NF1: variants seen among roughly 807,000 people sequenced by gnomAD.
NF1 encodes neurofibromin 1, also known as neurofibromin.
A neutral mutation model predicts 325.7 loss-of-function variants in NF1; 122 were observed. That is an observed-to-expected ratio of 0.37 (90% CI 0.32 to 0.44). The LOEUF (loss-of-function observed/expected upper bound fraction) is 0.44, where lower values mean the gene tolerates loss of function less well. Among genes scored for constraint, NF1 ranks in the 20% least tolerant of loss-of-function variants. The pLI is 1.00. For synonymous variants in NF1, 1,091 were observed against 1,186.0 expected (o/e 0.92, Z 1.65); for missense variants, 2,140 against 3,415.4 (o/e 0.63, Z 9.31).
chr17:31,306,697 G>A (rs1174226903), intron 36 of NF1, among the ~76,000 whole-genome samples: 1 of 151,908 alleles, frequency 6.6e-6, no homozygotes, highest in Non-Finnish European at 1.5e-5. Context: ...ATCTGGTGGA[G>A]TAAATTCAAT....
At chr17:31,373,767 C>T (rs1248347946) in intron 57 of NF1, among the ~76,000 whole-genome samples, 1 of 152,112 alleles carries the variant, frequency 6.6e-6, no homozygotes, top group African/African-American at 2.4e-5. Flanking sequence ...ACATAAAGTA[C>T]ACAATATGGT....
chr17:31,154,732 C>CTTTT lies in NF1; in HGVS notation c.61-1232_61-1229dup, dbSNP rs71142026. Among the ~76,000 whole-genome samples, 92 of 103,390 alleles carry CTTTT rather than the reference C, an allele frequency of 8.9e-4. 1 individual carries two copies. Among genetic ancestry groups the CTTTT allele is most frequent in the African/African-American group, 2.4e-3 (65 of 26,782 alleles). The allele number at this position is 103,390 out of a possible 152,430, so 67.8% of individuals were successfully genotyped here. A position where few individuals can be genotyped will look rare whatever the true frequency, so the allele number is the denominator to read the frequency against. On this transcript the variant is annotated intron_variant, in intron 1 of 57. Coordinates refer to ENST00000358273, the MANE Select transcript of NF1 (RefSeq NM_001042492.3). ...CCCCGCCAATTTCATTTAGTATTTC[C>CTTTT]TTTTTTTTTTTTTTTTTTTTTTATT...
At chr17:31,282,128 A>G (rs2068130894) in intron 36 of NF1, among the ~76,000 whole-genome samples, 1 of 152,060 alleles carries the variant, frequency 6.6e-6, no homozygotes, top group Admixed American at 6.6e-5. Flanking sequence ...CACGCCTGTA[A>G]TCCCAGCACT....
chr17:31,221,818 CTCTT>C lies in NF1; in HGVS notation c.1642-30_1642-27del, dbSNP rs1319863337. On this transcript the variant is annotated intron_variant, in intron 14 of 57. Transcript: ENST00000358273. Reference sequence around the variant, plus strand: ...TACCAAAAATGTTTGAGTGAGTCTTCTCTTTGTCTTTCTCTTTTTTAAAAAATTC... The same window carrying C: ...TACCAAAAATGTTTGAGTGAGTCTTCTGTCTTTCTCTTTTTTAAAAAATTC... The C allele has an allele frequency of 6.0e-6, 9 of 1,501,196 alleles. No homozygotes were observed. In the African/African-American group the frequency reaches 6.9e-5, roughly 11 times the overall value. The allele number at this position is 1,501,196 out of a possible 1,614,324, so 93.0% of individuals were successfully genotyped here.
At position 31,358,574 on chromosome 17, in the gene NF1, G is replaced by A. The variant is rs761214867; in HGVS notation, c.8065G>A (p.Val2689Met). 3 of 1,613,934 alleles carry A rather than the reference G, an allele frequency of 1.9e-6. No homozygotes were observed. The highest frequency in any genetic ancestry group is 1.1e-5 in the South Asian group (1 of 91,082). Residue 2689 changes from valine to methionine, a missense_variant, in exon 55 of 58, where the codon GTG becomes ATG. This residue lies in a region of NF1 where 522 missense variants were observed against 749.0 expected (regional missense o/e 0.70). Coordinates refer to ENST00000358273, the MANE Select transcript of NF1 (RefSeq NM_001042492.3). ...NPIHGIVQSVVYHEESPPQYQ... is the reference protein window; with the variant it reads ...NPIHGIVQSVMYHEESPPQYQ... ...AATCCATGGAATTGTGCAGAGTGTG[G>A]TGTACCATGAAGAATCCCCACCACA...
Position 31,330,462 on chromosome 17 carries a change from T to G in NF1, c.5776T>G (p.Phe1926Val), listed in dbSNP as rs1255264164. The change falls in exon 39 of 58, where the codon TTT (phenylalanine) becomes GTT (valine). Residue 1926 changes from phenylalanine (F) to valine (V), a missense_variant. Physicochemically the swap from Phe to Val is conservative, Grantham distance 50. Coordinates refer to ENST00000358273, the MANE Select transcript of NF1 (RefSeq NM_001042492.3). ...CAATGAGCCACACCTCACGTTAGAA[T>G]TTTTGGAAGAGTGTATTTCTGGATT... ...AANEPHLTLEFLEECISGFSK... is the reference protein window; with the variant it reads ...AANEPHLTLEVLEECISGFSK... 1 of 1,613,698 alleles carries G rather than the reference T, an allele frequency of 6.2e-7. No homozygotes were observed. The highest frequency in any genetic ancestry group is 8.5e-7 in the Non-Finnish European group (1 of 1,179,662).
rs1567864060 is a variant in NF1, at chr17:31,263,062, GGT to G, written c.4724+1206_4724+1207del. On this transcript the variant is annotated intron_variant, in intron 35 of 57. Transcript: ENST00000358273. ...AGGTAGGTAGGTAGGTAGGTAGGTA[GGT>G]AGGTAGATAGATAGGTAGGTAGGTA... is the stretch of plus-strand genomic sequence containing the variant. Among the ~76,000 whole-genome samples the G allele has an allele frequency of 8.6e-4, 128 of 148,440 alleles. 1 individual carries two copies. The highest frequency in any genetic ancestry group is 2.8e-3 in the African/African-American group (110 of 39,450).
chr17:31,183,355 C>T (rs1202973012), intron 8 of NF1: 1 of 151,868 alleles, frequency 6.6e-6, no homozygotes, highest in African/African-American at 2.4e-5. Flanking sequence ...GAGATGGTTT[C>T]CTTCATGGTT....
intron 1 of NF1, among the ~76,000 whole-genome samples, chr17:31,122,771 A>G (rs1914545491): frequency 6.6e-6 from 1 of 152,208 alleles, no homozygotes; most frequent in Non-Finnish European, 1.5e-5. Flanking sequence ...ATATAATGGA[A>G]TCATTTTGGT....
At chr17:31,340,399 T>C in intron 46 of NF1, 106 bp from the exon 47 acceptor site, 1 of 1,408,236 alleles carries the variant, frequency 7.1e-7, no homozygotes, top group Non-Finnish European at 1.0e-6. Context: ...AGAGAAAACA[T>C]GGGTAATTTA....
intron 36 of NF1, chr17:31,305,589 G>A: frequency 6.2e-7 from 1 of 1,612,918 alleles, no homozygotes; most frequent in Non-Finnish European, 8.5e-7. Flanking sequence ...ACAAAATTAA[G>A]ATGAAATATT....
intron 36 of NF1, among the ~76,000 whole-genome samples, chr17:31,312,445 A>G (rs1012979133): frequency 6.7e-6 from 1 of 149,510 alleles, no homozygotes; most frequent in African/African-American, 2.5e-5. Context: ...TGGGAGGCGG[A>G]GGTTGCAGTG....
Position 31,232,116 on chromosome 17 carries a change from G to A in NF1, c.3241G>A (p.Ala1081Thr), listed in dbSNP as rs1555614834. The change falls in exon 25 of 58, where the codon GCT (alanine) becomes ACT (threonine). Residue 1081 changes from alanine to threonine, a missense_variant. By Grantham distance (58) the Ala-to-Thr change is moderately conservative. Around this residue, in one of 10 missense-constraint regions of NF1, gnomAD observed 380 missense variants for 639.3 expected, o/e 0.59. Coordinates refer to ENST00000358273, the MANE Select transcript of NF1 (RefSeq NM_001042492.3). ...ASMEAVVSLL[A>T]GLPLQPEEGD... ...CATGGAAGCAGTAGTTTCACTTCTA[G>A]CTGGTCTCCCTCTGCAGCCTGAAGA... 1 of 1,579,804 alleles carries A rather than the reference G, an allele frequency of 6.3e-7. No homozygotes were observed. The highest frequency in any genetic ancestry group is 8.6e-7 in the Non-Finnish European group (1 of 1,166,656).
chr17:31,146,817 A>G (rs1432494082), intron 1 of NF1, among the ~76,000 whole-genome samples: 1 of 152,148 alleles, frequency 6.6e-6, no homozygotes, highest in African/African-American at 2.4e-5. Flanking sequence ...CCAGGCCTTC[A>G]TATTGCCATA....
intron 1 of NF1, among the ~76,000 whole-genome samples, chr17:31,128,803 T>A (rs570968640): frequency 6.6e-6 from 1 of 152,022 alleles, no homozygotes; most frequent in Non-Finnish European, 1.5e-5. Context: ...GCGCCTGTAG[T>A]CCCAGCTACT....
chr17:31,295,839 T>C (rs1193978365), intron 36 of NF1: 1 of 1,614,070 alleles, frequency 6.2e-7, no homozygotes, highest in Admixed American at 1.7e-5. Context: ...TTGGAGGGCA[T>C]GTTGGTTGGA....
intron 48 of NF1, among the ~76,000 whole-genome samples, chr17:31,348,687 A>C (rs931873846): frequency 9.9e-5 from 15 of 150,766 alleles, no homozygotes; most frequent in African/African-American, 3.4e-4. Flanking sequence ...AATCTTGAAA[A>C]TGTTTTGACA....
chr17:31,363,610 G>A (rs1284315593), intron 57 of NF1, among the ~76,000 whole-genome samples: 3 of 149,762 alleles, frequency 2.0e-5, no homozygotes, highest in Non-Finnish European at 3.0e-5. Context: ...CTAATTTTTT[G>A]TATTTTTAGT....
rs111696210 is a variant in NF1 at position 31,287,577 on chromosome 17, T to A, written c.4835+22238T>A. ...GTGTGTGTGTGTGTGTGTGTGTGTGTGACACAGGGTGTGGCTTTGTCACCC... is the reference window on the plus strand; with the variant it reads ...GTGTGTGTGTGTGTGTGTGTGTGTGAGACACAGGGTGTGGCTTTGTCACCC... On this transcript the variant is annotated intron_variant, in intron 36 of 57. Coordinates refer to ENST00000358273, the MANE Select transcript of NF1 (RefSeq NM_001042492.3). Among the ~76,000 whole-genome samples the A allele has an allele frequency of 4.7e-3, 700 of 149,688 alleles. 7 individuals carry two copies. Among genetic ancestry groups the A allele is most frequent in the African/African-American group, 0.016 (647 of 41,100 alleles).
Sources: gnomAD v4.1 joint callset for allele counts (sites outside exome capture counted in the v4.1 genomes callset) on GRCh38, gnomAD v4.1.1 for gene constraint, gnomAD v4.1.1 regional missense constraint, MANE v1.5 for transcripts, NCBI Gene and HGNC (gene_info 2026-07-23, HGNC 2026-07-21) for gene names.